PPP1R9A: variants seen among roughly 807,000 people sequenced by gnomAD.
The protein encoded by PPP1R9A is protein phosphatase 1 regulatory subunit 9A.
In PPP1R9A, 59 loss-of-function variants were observed where a neutral mutation model predicts 141.9. That is an observed-to-expected ratio of 0.42 (90% CI 0.34 to 0.52). The LOEUF is 0.52. PPP1R9A is among the 20% of genes least tolerant of loss of function. The pLI, the probability that PPP1R9A is intolerant of heterozygous loss-of-function variation, is 0.10. For synonymous variants in PPP1R9A, 500 were observed against 569.7 expected (o/e 0.88, Z 1.74); for missense variants, 1,444 against 1,611.9 (o/e 0.90, Z 1.78).
At chr7:94,995,612 T>C (rs1802075178) in intron 2 of PPP1R9A, among the ~76,000 whole-genome samples, 1 of 152,102 alleles carries the variant, frequency 6.6e-6, no homozygotes, top group Non-Finnish European at 1.5e-5. Flanking sequence ...AGCATATTTT[T>C]TATCTTAGAC....
At chr7:94,982,210 A>C (rs1800212540) in intron 2 of PPP1R9A, among the ~76,000 whole-genome samples, 1 of 152,082 alleles carries the variant, frequency 6.6e-6, no homozygotes, top group Non-Finnish European at 1.5e-5. Flanking sequence ...ACATTTTCTT[A>C]ATCCAGTCTA....
intron 2 of PPP1R9A, among the ~76,000 whole-genome samples, chr7:95,034,481 G>A (rs1808163325): frequency 1.3e-5 from 2 of 152,086 alleles, no homozygotes; most frequent in Middle Eastern, 6.8e-3. Context: ...TGATTCTCAT[G>A]CCTCAGCCTC....
At position 95,196,205 on chromosome 7, in the gene PPP1R9A, A is replaced by G. The variant is rs535179894; in HGVS notation, c.1755-2144A>G. ...ATATTTCACTGCAGAAGATATGTGAATGGTCAGTAAGTGCATGAAAAGATA... is the reference window on the plus strand; with the variant it reads ...ATATTTCACTGCAGAAGATATGTGAGTGGTCAGTAAGTGCATGAAAAGATA... On this transcript the variant is annotated intron_variant, in intron 5 of 19. Transcript: ENST00000433360. Among the ~76,000 whole-genome samples, 221 of 152,302 alleles carry G rather than the reference A, an allele frequency of 1.5e-3. 1 individual carries two copies. Among genetic ancestry groups the G allele is most frequent in the African/African-American group, 5.1e-3 (212 of 41,570 alleles).
At chr7:95,012,902 T>C (rs1167973110) in intron 2 of PPP1R9A, among the ~76,000 whole-genome samples, 1 of 152,188 alleles carries the variant, frequency 6.6e-6, no homozygotes, top group African/African-American at 2.4e-5. Context: ...AAATGGCAAT[T>C]TGTCTAGATT....
chr7:95,141,583 C>T (rs1317814489), intron 4 of PPP1R9A, among the ~76,000 whole-genome samples: 2 of 151,964 alleles, frequency 1.3e-5, no homozygotes, highest in African/African-American at 4.8e-5. Flanking sequence ...ATACATTTGG[C>T]TCTCCTGGCC....
chr7:95,285,995 A>G (rs1805244637), intron 17 of PPP1R9A, among the ~76,000 whole-genome samples: 1 of 152,152 alleles, frequency 6.6e-6, no homozygotes, highest in Non-Finnish European at 1.5e-5. Context: ...TAAAACATCT[A>G]TCCTTTCATC....
chr7:95,017,937 G>C (rs1197324309), intron 2 of PPP1R9A, among the ~76,000 whole-genome samples: 2 of 152,242 alleles, frequency 1.3e-5, no homozygotes, highest in Admixed American at 1.3e-4. Context: ...AAACTTGCTT[G>C]GGAGATTGAG....
chr7:95,175,057 G>A (rs970136744), intron 5 of PPP1R9A: 2 of 152,160 alleles, frequency 1.3e-5, no homozygotes, highest in African/African-American at 4.8e-5. Context: ...GAGTGCCCAA[G>A]ATGCAATCTG....
At chr7:95,194,289 T>TATA (rs981454303) in intron 5 of PPP1R9A, among the ~76,000 whole-genome samples, 2 of 152,064 alleles carry the variant, frequency 1.3e-5, no homozygotes, top group African/African-American at 4.8e-5. Context: ...TTAAGCATGT[T>TATA]AAAGACTTTA....
rs938280808 is a variant in PPP1R9A at position 95,295,184 on chromosome 7, T to G, written c.*4881T>G. On this transcript the variant is annotated 3_prime_UTR_variant, in exon 20 of 20. Transcript: ENST00000433360. ...TGTGTATGGAACTTGGCGAGGTCAG[T>G]CAGGACCTGGAGCTGTAATCATAGC... 1 of 152,458 alleles carries G rather than the reference T, an allele frequency of 6.6e-6. No individual in the cohort carries two copies. Among genetic ancestry groups the G allele is most frequent in the African/African-American group, 2.4e-5 (1 of 41,272 alleles). The allele number at this position is 152,458 out of a possible 1,614,324, so 9.4% of individuals were successfully genotyped here.
intron 10 of PPP1R9A, 58 bp downstream of exon 10, chr7:95,250,313 C>A: frequency 2.1e-6 from 3 of 1,427,266 alleles, no homozygotes; most frequent in Non-Finnish European, 2.9e-6. Flanking sequence ...GGTTTATGTC[C>A]AATAATTTTG....
intron 2 of PPP1R9A, among the ~76,000 whole-genome samples, chr7:95,060,716 C>T (rs1168960730): frequency 6.6e-6 from 1 of 152,130 alleles, no homozygotes; most frequent in African/African-American, 2.4e-5. Flanking sequence ...TTTTACTCGA[C>T]CCAAACCTTA....
chr7:95,066,045 C>G (rs556671165), intron 2 of PPP1R9A, among the ~76,000 whole-genome samples: 1 of 152,264 alleles, frequency 6.6e-6, no homozygotes, highest in South Asian at 2.1e-4. Context: ...CCCCCAAGTT[C>G]ATGTGTTAAA....
At chr7:95,144,880 C>T (rs1161882817) in intron 4 of PPP1R9A, among the ~76,000 whole-genome samples, 1 of 152,180 alleles carries the variant, frequency 6.6e-6, no homozygotes, top group African/African-American at 2.4e-5. Flanking sequence ...ATTCAGCAAA[C>T]TTGCAGGATC....
chr7:95,033,171 ATTT>A (rs10709825), intron 2 of PPP1R9A, among the ~76,000 whole-genome samples: 6 of 103,866 alleles, frequency 5.8e-5, no homozygotes, highest in Admixed American at 1.1e-4. Context: ...TGCCTGGCTA[ATTT>A]TTTTTTTTTT....
At chr7:95,009,676 A>G (rs1804135119) in intron 2 of PPP1R9A, among the ~76,000 whole-genome samples, 1 of 152,208 alleles carries the variant, frequency 6.6e-6, no homozygotes, top group South Asian at 2.1e-4. Context: ...TAATGTTGTT[A>G]GCCAAGCAAC....
At chr7:94,985,177 A>T (rs1186363358) in intron 2 of PPP1R9A, among the ~76,000 whole-genome samples, 1 of 152,082 alleles carries the variant, frequency 6.6e-6, no homozygotes, top group Non-Finnish European at 1.5e-5. Context: ...TTCTAGTTTG[A>T]TTGCACTGTG....
At chr7:94,928,116 T>G (rs570254214) in intron 2 of PPP1R9A, among the ~76,000 whole-genome samples, 16 of 152,208 alleles carry the variant, frequency 1.1e-4, no homozygotes, top group Admixed American at 3.3e-4. Flanking sequence ...TCAGAGGAAG[T>G]GATGCTTGAG....
intron 2 of PPP1R9A, among the ~76,000 whole-genome samples, chr7:95,050,695 C>G (rs1206128712): frequency 6.6e-6 from 1 of 152,122 alleles, no homozygotes; most frequent in East Asian, 1.9e-4. Flanking sequence ...CATTGCACTC[C>G]ACCCTGGGCA....
Sources: gnomAD v4.1 joint callset for allele counts (sites outside exome capture counted in the v4.1 genomes callset) on GRCh38, gnomAD v4.1.1 for gene constraint, MANE v1.5 for transcripts, NCBI Gene and HGNC (gene_info 2026-07-23, HGNC 2026-07-21) for gene names.